CFAP65: variants seen among roughly 807,000 people sequenced by gnomAD.
CFAP65 encodes the protein cilia- and flagella-associated protein 65.
In CFAP65, 155 loss-of-function variants were observed where a neutral mutation model predicts 208.0. The ratio of observed to expected loss-of-function variants is 0.75; its 90% confidence interval spans 0.65 to 0.85. The LOEUF is 0.85. Ranked by LOEUF, CFAP65 falls within the 40% of genes least tolerant of loss-of-function variation. The pLI is 0.00. For missense variants in CFAP65, 2,294 were observed against 2,451.3 expected, an observed-to-expected ratio of 0.94 and a Z score of 1.36; for synonymous variants, 970 against 986.3, an observed-to-expected ratio of 0.98 and a Z score of 0.31.
At position 219,004,480 on chromosome 2, in the gene CFAP65, G is replaced by C. The variant is rs765834442; in HGVS notation, c.5052-25C>G. 60 of 1,577,752 alleles carry C rather than the reference G, an allele frequency of 3.8e-5. No individual in the cohort carries two copies. The highest frequency in any genetic ancestry group is 2.9e-4 in the South Asian group (24 of 83,378). On this transcript the variant is annotated intron_variant, in intron 32 of 34. Transcript: ENST00000341552. This position sits in a 1 kb window ranked among gnomAD's most constrained non-coding sequence, Gnocchi z 4.7. ...CCTAGGTGGCAGGGAGAAGGAGAAG[G>C]CCCTTGCTGAGGGGCCCTGAAGCCC...
At chr2:219,012,331 C>T (rs1946543598) in intron 24 of CFAP65, among the ~76,000 whole-genome samples, 2 of 152,200 alleles carry the variant, frequency 1.3e-5, no homozygotes, top group South Asian at 4.1e-4. Flanking sequence ...ATTCCTGCTC[C>T]CAGTTTATCT....
At position 219,004,064 on chromosome 2, in the gene CFAP65, C is replaced by G. The variant is rs201649638; in HGVS notation, c.5443G>C (p.Gly1815Arg). Residue 1815 changes from glycine to arginine, a missense_variant, in exon 33 of 35, where the codon GGG becomes CGG. Gly to Arg is a moderately radical substitution (Grantham distance 125, BLOSUM62 -2). Coordinates refer to ENST00000341552, the MANE Select transcript of CFAP65 (RefSeq NM_194302.4). The surrounding 1 kb of genome is among the most constrained non-coding windows in gnomAD (Gnocchi z 4.7). ...TGGGACTCAGGCTGTGGTGTGGGCC[C>G]GATGCCCGCCCAGCTCACTTTCTCT... ...KEEKVSWAGIGPTPQPESQES... is the reference protein window; with the variant it reads ...KEEKVSWAGIRPTPQPESQES... 1.2e-6 allele frequency: 2 copies of G among 1,614,030 alleles called. No homozygotes were observed. The highest frequency in any genetic ancestry group is 1.7e-6 in the Non-Finnish European group (2 of 1,180,022).
intron 11 of CFAP65, 138 bp from the exon 12 acceptor site, chr2:219,028,539 G>T: frequency 1.4e-6 from 1 of 729,724 alleles, no homozygotes; most frequent in Non-Finnish European, 2.4e-6. Context: ...TGGCCAGTGA[G>T]CAAGCACTCA....
chr2:219,018,087 A>G (rs1265697643), intron 21 of CFAP65, among the ~76,000 whole-genome samples: 2 of 152,006 alleles, frequency 1.3e-5, no homozygotes, highest in Non-Finnish European at 2.9e-5. Context: ...CACATTCCCC[A>G]AGGCTCTCTC....
chr2:219,023,089 G>A lies in CFAP65; in HGVS notation c.2820+118C>T, dbSNP rs1574599352. 5 of 803,356 alleles carry A rather than the reference G, an allele frequency of 6.2e-6. No individual in the cohort carries two copies. The East Asian group carries it at 1.1e-4, about 17-fold the overall frequency. 49.8% of individuals were successfully genotyped at this position (803,356 alleles called of 1,614,324 possible). On this transcript the variant is annotated intron_variant, in intron 16 of 34. Coordinates refer to ENST00000341552, the MANE Select transcript of CFAP65 (RefSeq NM_194302.4). ...TAATAACACCTCATCGCCAGGTGGG[G>A]GAAGTTACTGTGGATGGAATTGGGG...
intron 4 of CFAP65, among the ~76,000 whole-genome samples, chr2:219,036,095 C>T (rs1016045577): frequency 1.3e-5 from 2 of 152,192 alleles, no homozygotes; most frequent in Non-Finnish European, 2.9e-5. Flanking sequence ...GCAGTCTATC[C>T]CAGGCCCTTT....
At chr2:219,009,849 A>C in intron 27 of CFAP65, 93 bp downstream of exon 27, 1 of 796,376 alleles carries the variant, frequency 1.3e-6, no homozygotes, top group Non-Finnish European at 1.6e-6. Context: ...GTGGGGTGGG[A>C]TGGGATGGAG....
chr2:219,018,931 C>T (rs1349375410), intron 21 of CFAP65, 120 bp downstream of exon 21: 2 of 1,367,840 alleles, frequency 1.5e-6, no homozygotes, highest in African/African-American at 1.4e-5. Context: ...AATGTGAGGT[C>T]CACTCTTCAC....
chr2:219,021,792 T>TG lies in CFAP65; in HGVS notation c.3117dup (p.Asn1040GlnfsTer49). 6.2e-7 allele frequency: 1 copy of TG among 1,613,468 alleles called. No homozygotes were observed. Among genetic ancestry groups the TG allele is most frequent in the East Asian group, 2.2e-5 (1 of 44,856 alleles). On this transcript the variant is annotated frameshift_variant, in exon 18 of 35. Coordinates refer to ENST00000341552, the MANE Select transcript of CFAP65 (RefSeq NM_194302.4). LOFTEE classifies it high-confidence loss of function. ...CAGGCCCAAGTACCGAGGGGGTGGT[T>TG]GTCAACGGCCTCAGGGCTGCCCTGC...
At chr2:219,030,569 T>C (rs1390578517) in intron 9 of CFAP65, 120 bp downstream of exon 9, 3 of 1,333,170 alleles carry the variant, frequency 2.3e-6, no homozygotes. Flanking sequence ...TGACATGGGT[T>C]ACATGAGGCT....
chr2:219,028,651 T>C (rs1947817883), intron 11 of CFAP65, among the ~76,000 whole-genome samples: 1 of 152,042 alleles, frequency 6.6e-6, no homozygotes, highest in Non-Finnish European at 1.5e-5. Context: ...CCTTCCTCTC[T>C]GCCATGGCCC....
In CFAP65 at chr2:219,019,489, C is replaced by G. The variant is rs373652716; in HGVS notation, c.3473+17G>C. 201 of 1,604,938 alleles carry G rather than the reference C, an allele frequency of 1.3e-4. No homozygotes were observed. Among genetic ancestry groups the G allele is most frequent in the South Asian group, 6.5e-4 (59 of 90,366 alleles). ...GCCCTGCCCCCAGCCCCCACCCCCA[C>G]TCCAGGCTCAGCTCACCTGTGCCGG... On this transcript the variant is annotated intron_variant, in intron 20 of 34. Transcript: ENST00000341552.
At position 219,040,574 on chromosome 2, in the gene CFAP65, C is replaced by CTCT. The variant is rs1277084817; in HGVS notation, c.-48-11_-48-10insAGA. The CTCT allele has an allele frequency of 5.7e-5, 88 of 1,551,824 alleles. No homozygotes were observed. Among genetic ancestry groups the CTCT allele is most frequent in the Non-Finnish European group, 7.2e-5 (83 of 1,146,918 alleles). ...ATCAAAGAAATGTAAGCTGAGGAGACACAGAGAGAGTCCATTACTTTTCTG... is the reference window on the plus strand; with the variant it reads ...ATCAAAGAAATGTAAGCTGAGGAGACTCTACAGAGAGAGTCCATTACTTTTCTG... On this transcript the variant is annotated splice_polypyrimidine_tract_variant and intron_variant, in intron 1 of 34. Transcript: ENST00000341552.
rs750461571 is a variant in CFAP65, at chr2:219,035,699, G to A, written c.358-35C>T. ...TGGCAGGGAGAAGGGGGAGCAGAAA[G>A]GATGTATCAGCAGGGTGGGATGCCA... On this transcript the variant is annotated intron_variant, in intron 4 of 34. Coordinates refer to ENST00000341552, the MANE Select transcript of CFAP65 (RefSeq NM_194302.4). 10 of 1,578,918 alleles carry A rather than the reference G, an allele frequency of 6.3e-6. No homozygotes were observed. The South Asian group carries it at 8.2e-5, about 13-fold the overall frequency.
In CFAP65 at chr2:219,013,581, G is replaced by C; in HGVS notation, c.3784C>G (p.Leu1262Val). ...GGGAGGTGATCAGTACCGATGAACA[G>C]GTGGCTAGAAAGAAACAGATAAGTC... is the stretch of plus-strand genomic sequence containing the variant. Reference protein sequence around the residue: ...EQMVELKYSHLFIGTDHLPVL... With the variant: ...EQMVELKYSHVFIGTDHLPVL... Residue 1262 changes from leucine to valine, a missense_variant, in exon 23 of 35, where the codon CTG becomes GTG. By Grantham distance (32) the Leu-to-Val change is conservative (BLOSUM62 1). Transcript: ENST00000341552. The C allele has an allele frequency of 1.3e-6, 2 of 1,598,444 alleles. No homozygotes were observed. The highest frequency in any genetic ancestry group is 8.5e-7 in the Non-Finnish European group (1 of 1,174,022).
At chr2:219,021,508 G>A (rs1478842234) in intron 18 of CFAP65, among the ~76,000 whole-genome samples, 1 of 152,282 alleles carries the variant, frequency 6.6e-6, no homozygotes, top group South Asian at 2.1e-4. Flanking sequence ...TGTGAGGTAG[G>A]TGCCACCTGG....
At chr2:219,012,870 G>A (rs1221772465) in intron 24 of CFAP65, among the ~76,000 whole-genome samples, 1 of 152,182 alleles carries the variant, frequency 6.6e-6, no homozygotes, top group Non-Finnish European at 1.5e-5. Flanking sequence ...AGTATACTTT[G>A]CATGTAGTAG....
Position 219,003,081 on chromosome 2 carries a change from C to T in CFAP65, c.5693+54G>A. The stretch of plus-strand genomic sequence containing the variant: ...CGAGGCTTCGGGCAGAGCCTGGCTG[C>T]CCCCGTGGCCCCTCTCGCGCGGTCT... On this transcript the variant is annotated intron_variant, in intron 34 of 34. Coordinates refer to ENST00000341552, the MANE Select transcript of CFAP65 (RefSeq NM_194302.4). This position sits in a 1 kb window ranked among gnomAD's most constrained non-coding sequence, Gnocchi z 4.4. The T allele has an allele frequency of 6.5e-7, 1 of 1,546,170 alleles. No individual in the cohort carries two copies. Among genetic ancestry groups the T allele is most frequent in the Non-Finnish European group, 8.7e-7 (1 of 1,143,520 alleles).
intron 13 of CFAP65, 48 bp from the exon 14 acceptor site, chr2:219,026,207 C>T (rs377097067): frequency 6.3e-7 from 1 of 1,582,650 alleles, no homozygotes; most frequent in South Asian, 1.1e-5. Context: ...CTGTGTCTGC[C>T]CTGTGGGGCA....
Sources: allele counts gnomAD v4.1 joint callset (sites outside exome capture counted in the v4.1 genomes callset), GRCh38; gene constraint gnomAD v4.1.1; non-coding constraint Gnocchi (gnomAD v3.1); transcripts MANE v1.5; gene names NCBI Gene and HGNC (gene_info 2026-07-23, HGNC 2026-07-21).